Variants in KNL1 observed in about 807,000 individuals in gnomAD.
The protein encoded by KNL1 is outer kinetochore KNL1 complex subunit KNL1.
Under a neutral mutation model 201.3 loss-of-function variants are expected in KNL1, and 66 were observed. The observed-to-expected ratio is 0.33, with a 90% CI of 0.27 to 0.40. The LOEUF (loss-of-function observed/expected upper bound fraction) is 0.40. KNL1 is among the 10% of genes least tolerant of loss of function. The pLI, the probability that KNL1 is intolerant of heterozygous loss-of-function variation, is 1.00. For synonymous variants in KNL1, 895 were observed against 899.2 expected, an observed-to-expected ratio of 1.00 and a Z score of 0.08; for missense variants, 2,815 against 2,690.5, an observed-to-expected ratio of 1.05 and a Z score of -1.02.
rs544868776 is a variant in KNL1 at position 40,628,561 on chromosome 15, T to C, written c.5516-50T>C. 3 of 1,195,946 alleles carry C rather than the reference T, an allele frequency of 2.5e-6. No homozygotes were observed. The African/African-American group carries it at 4.6e-5, about 18-fold the overall frequency. The allele number at this position is 1,195,946 out of a possible 1,614,324, so 74.1% of individuals were successfully genotyped here. A position where few individuals can be genotyped will look rare whatever the true frequency, so the allele number is the denominator to read the frequency against. On this transcript the variant is annotated intron_variant, in intron 11 of 25. Transcript: ENST00000399668. Reference sequence around the variant, plus strand: ...ATCTGAATGATAACCACAATTAAGTTCACAGTTTAGTTTTGACTTGTTCGT... The same window carrying C: ...ATCTGAATGATAACCACAATTAAGTCCACAGTTTAGTTTTGACTTGTTCGT...
In KNL1 at chr15:40,657,031, TC is replaced by T; in HGVS notation, c.6485-9del. 7.2e-7 allele frequency: 1 copy of T among 1,397,196 alleles called. No homozygotes were observed. Among genetic ancestry groups the T allele is most frequent in the South Asian group, 1.3e-5 (1 of 74,388 alleles). The allele number at this position is 1,397,196 out of a possible 1,614,324, so 86.5% of individuals were successfully genotyped here. A position where few individuals can be genotyped will look rare whatever the true frequency, so the allele number is the denominator to read the frequency against. On this transcript the variant is annotated splice_polypyrimidine_tract_variant and intron_variant, in intron 22 of 25. Transcript: ENST00000399668. ...AATAACCTGCTTTTGCTTTTTTTTT[TC>T]CTTCCCCAGAGGATCAAGCTCCTCC...
chr15:40,654,842 C>T (rs1893672468), intron 21 of KNL1, 67 bp from the exon 22 acceptor site: 3 of 1,218,888 alleles, frequency 2.5e-6, no homozygotes, highest in African/African-American at 3.0e-5. Context: ...GCACTCCAGC[C>T]TGGGAGACAA....
intron 4 of KNL1, 52 bp from the exon 5 acceptor site, chr15:40,608,795 G>A (rs891486869): frequency 1.8e-6 from 2 of 1,141,918 alleles, no homozygotes; most frequent in African/African-American, 3.1e-5. Context: ...CTCTGGAGAT[G>A]TAATTCACAG....
rs1371130735 is a variant in KNL1 at position 40,622,217 on chromosome 15, C to T, written c.1953C>T (p.Tyr651=). ...ATTGGGTTTTGAAGATTTTGCCCTA[C>T]CTTGATAAAGATTCTCCTCAGTCAG... ...DKDWVLKILP[Y]LDKDSPQSAD... The change falls in exon 10 of 26, where the codon TAC becomes TAT. Residue 651 remains tyrosine, a synonymous_variant. Transcript: ENST00000399668. 1 of 1,614,068 alleles carries T rather than the reference C, an allele frequency of 6.2e-7. No homozygotes were observed. Among genetic ancestry groups the T allele is most frequent in the East Asian group, 2.2e-5 (1 of 44,870 alleles).
In KNL1 at chr15:40,635,032, GT is replaced by G. The variant is rs1221845689; in HGVS notation, c.5682+5662del. Among the ~76,000 whole-genome samples the G allele has an allele frequency of 2.7e-5, 4 of 150,746 alleles. 1 individual carries two copies. The highest frequency in any genetic ancestry group is 3.9e-4 in the East Asian group (2 of 5,134). On this transcript the variant is annotated intron_variant, in intron 13 of 25. Coordinates refer to ENST00000399668, the MANE Select transcript of KNL1 (RefSeq NM_144508.5). ...ACCATGGAAAATGAGGTTCGTGGCT[GT>G]GGGCATCTGTTTCAGGATTTTTTTT... is the stretch of plus-strand genomic sequence containing the variant.
intron 7 of KNL1, among the ~76,000 whole-genome samples, chr15:40,611,765 T>C (rs1892169999): frequency 6.6e-6 from 1 of 152,020 alleles, no homozygotes. Context: ...CTTTAGTTTT[T>C]TTATTAAATT....
Position 40,603,541 on chromosome 15 carries a change from A to G in KNL1, c.35+575A>G, listed in dbSNP as rs1891876836. Among the ~76,000 whole-genome samples the G allele has an allele frequency of 2.0e-5, 3 of 152,204 alleles. No individual in the cohort carries two copies. The South Asian group carries it at 6.2e-4, about 32-fold the overall frequency. On this transcript the variant is annotated intron_variant, in intron 2 of 25. Transcript: ENST00000399668. The stretch of plus-strand genomic sequence containing the variant: ...GTAGTCCCGGCACTTTGAGAGGCTT[A>G]GGCCCAGTAACTTGAGACCAGCCTG...
At position 40,650,590 on chromosome 15, in the gene KNL1, C is replaced by T; in HGVS notation, c.6212+7C>T. 1 of 1,557,644 alleles carries T rather than the reference C, an allele frequency of 6.4e-7. No homozygotes were observed. On this transcript the variant is annotated splice_region_variant and intron_variant, in intron 19 of 25. Coordinates refer to ENST00000399668, the MANE Select transcript of KNL1 (RefSeq NM_144508.5). ...AAGAAGAGGAGCTTCAAAGGTCAGCCTTCAATCCAAGTGTTAGAAAATATA... is the reference window on the plus strand; with the variant it reads ...AAGAAGAGGAGCTTCAAAGGTCAGCTTTCAATCCAAGTGTTAGAAAATATA...
At chr15:40,654,652 G>A (rs962891211) in intron 21 of KNL1, among the ~76,000 whole-genome samples, 1 of 150,602 alleles carries the variant, frequency 6.6e-6, no homozygotes, top group Non-Finnish European at 1.5e-5. Context: ...GGCGGATCAC[G>A]AGGTCAGGAG....
intron 8 of KNL1, among the ~76,000 whole-genome samples, chr15:40,616,470 C>T (rs1892349477): frequency 6.6e-6 from 1 of 152,172 alleles, no homozygotes; most frequent in African/African-American, 2.4e-5. Context: ...CTCCTGTTTT[C>T]TCTGTCTTGG....
At chr15:40,616,870 A>G (rs1892360086) in intron 8 of KNL1, among the ~76,000 whole-genome samples, 1 of 152,214 alleles carries the variant, frequency 6.6e-6, no homozygotes, top group Non-Finnish European at 1.5e-5. Context: ...TAGGTATCCC[A>G]TGCTCTAGCC....
intron 17 of KNL1, 145 bp from the exon 18 acceptor site, chr15:40,650,156 T>G (rs1443376667): frequency 2.1e-5 from 12 of 568,348 alleles, no homozygotes; most frequent in Non-Finnish European, 3.7e-5. Flanking sequence ...ACCATCAGAC[T>G]AGAACTTCTG....
At chr15:40,634,503 A>G (rs975039918) in intron 13 of KNL1, among the ~76,000 whole-genome samples, 1 of 152,192 alleles carries the variant, frequency 6.6e-6, no homozygotes. Context: ...AAACAAATCA[A>G]TTACTGGAGA....
At chr15:40,659,499 TTC>T (rs759241460) in intron 25 of KNL1, 38 bp downstream of exon 25, 1 of 1,579,700 alleles carries the variant, frequency 6.3e-7, no homozygotes, top group Non-Finnish European at 8.6e-7. Flanking sequence ...TCTGGGCTAC[TTC>T]TTTTTTTTTG....
At chr15:40,654,450 T>C (rs1315989994) in intron 21 of KNL1, among the ~76,000 whole-genome samples, 3 of 152,002 alleles carry the variant, frequency 2.0e-5, no homozygotes, top group African/African-American at 4.8e-5. Flanking sequence ...GGGGAGCCTT[T>C]ACTAGATACA....
chr15:40,601,003 A>G (rs1375790013), intron 1 of KNL1, among the ~76,000 whole-genome samples: 4 of 152,180 alleles, frequency 2.6e-5, no homozygotes, highest in Non-Finnish European at 1.5e-5. Context: ...ATATGATGCA[A>G]ATTCACTATA....
In KNL1 at chr15:40,621,299, T is replaced by A; in HGVS notation, c.1035T>A (p.Asn345Lys). Residue 345 changes from asparagine to lysine, a missense_variant, in exon 10 of 26, where the codon AAT (asparagine) becomes AAA (lysine). Asn to Lys is a moderately conservative substitution (Grantham distance 94). Coordinates refer to ENST00000399668, the MANE Select transcript of KNL1 (RefSeq NM_144508.5). ...NFSEIENQTQ[N>K]AMDVTTGYGT... Reference sequence around the variant, plus strand: ...CTGAAATAGAAAATCAAACTCAGAATGCCATGGATGTAACAACAGGTTATG... The same window carrying A: ...CTGAAATAGAAAATCAAACTCAGAAAGCCATGGATGTAACAACAGGTTATG... 3.1e-6 allele frequency: 5 copies of A among 1,613,966 alleles called. No individual in the cohort carries two copies. Among genetic ancestry groups the A allele is most frequent in the Non-Finnish European group, 4.2e-6 (5 of 1,179,938 alleles).
intron 13 of KNL1, among the ~76,000 whole-genome samples, chr15:40,634,610 C>T (rs1269030316): frequency 6.6e-6 from 1 of 152,092 alleles, no homozygotes; most frequent in Non-Finnish European, 1.5e-5. Flanking sequence ...ATGATAGCTG[C>T]CAGTAGAATC....
In KNL1 at chr15:40,625,178, G is replaced by A. The variant is rs775213620; in HGVS notation, c.4914G>A (p.Lys1638=). The part of the protein sequence containing the change: ...NGAETTSLPP[K]TVFKDKVRRC... ...CTGAAACCACCTCTCTACCGCCAAA[G>A]ACAGTTTTTAAAGATAAAGTAAGGA... is the stretch of plus-strand genomic sequence containing the variant. The change falls in exon 10 of 26, where the codon AAG becomes AAA. Residue 1638 remains lysine, a synonymous_variant. Transcript: ENST00000399668. 1 of 1,613,990 alleles carries A rather than the reference G, an allele frequency of 6.2e-7. No homozygotes were observed. The highest frequency in any genetic ancestry group is 2.2e-5 in the East Asian group (1 of 44,870).
Sources: allele counts gnomAD v4.1 joint callset (sites outside exome capture counted in the v4.1 genomes callset), GRCh38; gene constraint gnomAD v4.1.1; transcripts MANE v1.5; gene names NCBI Gene and HGNC (gene_info 2026-07-23, HGNC 2026-07-21).